Variants in ADAMTSL2 observed in about 807,000 individuals in gnomAD.
ADAMTSL2 encodes ADAMTS-like protein 2.
ADAMTSL2 carries 55 observed loss-of-function variants against 117.0 expected under a neutral mutation model. The ratio of observed to expected loss-of-function variants is 0.47; its 90% confidence interval spans 0.38 to 0.59. The LOEUF (loss-of-function observed/expected upper bound fraction) is 0.59, where lower values mean the gene tolerates loss of function less well. Among genes scored for constraint, ADAMTSL2 ranks in the 20% least tolerant of loss-of-function variants. ADAMTSL2 has a pLI of 0.00. For missense variants in ADAMTSL2, 1,182 were observed against 1,354.5 expected (o/e 0.87, Z 2.00); for synonymous variants, 572 against 566.4 (o/e 1.01, Z -0.14).
chr9:133,554,678 G>T lies in ADAMTSL2; in HGVS notation c.1261G>T (p.Gly421Cys). The change falls in exon 10 of 19, where the codon GGC becomes TGC. Residue 421 changes from glycine (G) to cysteine (C), a missense_variant. By Grantham distance (159) the Gly-to-Cys change is radical (BLOSUM62 -3). Transcript: ENST00000651351. This position sits in a 1 kb window ranked among gnomAD's most constrained non-coding sequence, Gnocchi z 5.2. ...CGGGGCCTGCGAGGGGCCCCCCAGG[G>T]GCAAGGGCTTCCGAGGTAACCAGGA... ...GGGACEGPPR[G>C]KGFRDRNVTG... is the part of the protein sequence containing the mutation. 1 of 1,506,140 alleles carries T rather than the reference G, an allele frequency of 6.6e-7. No homozygotes were observed. The highest frequency in any genetic ancestry group is 1.3e-5 in the South Asian group (1 of 78,658). The allele number at this position is 1,506,140 out of a possible 1,614,324, so 93.3% of individuals were successfully genotyped here.
At chr9:133,550,543 G>A (rs778642048) in intron 9 of ADAMTSL2, among the ~76,000 whole-genome samples, 40 of 152,124 alleles carry the variant, frequency 2.6e-4, no homozygotes, top group Non-Finnish European at 4.9e-4. Context: ...AGCTTCTGTG[G>A]GCAGGAAAGG....
intron 3 of ADAMTSL2, 146 bp from the exon 4 acceptor site, chr9:133,538,203 C>T (rs745884457): frequency 5.7e-5 from 50 of 876,278 alleles, no homozygotes; most frequent in Admixed American, 8.8e-5. Context: ...GGTGTGTGTA[C>T]GGGGTGGGAG....
chr9:133,553,490 C>G (rs964831215), intron 9 of ADAMTSL2, among the ~76,000 whole-genome samples: 9 of 152,182 alleles, frequency 5.9e-5, no homozygotes, highest in Non-Finnish European at 7.3e-5. Context: ...AACCCCTACC[C>G]CTGCCCCAGC....
At position 133,561,255 on chromosome 9, in the gene ADAMTSL2, G is replaced by A; in HGVS notation, c.1707G>A (p.Lys569=). 1 of 1,607,430 alleles carries A rather than the reference G, an allele frequency of 6.2e-7. No individual in the cohort carries two copies. Among genetic ancestry groups the A allele is most frequent in the Non-Finnish European group, 8.5e-7 (1 of 1,177,488 alleles). The part of the protein sequence containing the change: ...GVSPADMYRW[K]LSSHEPCSAT... ...GTCCCGCGGACATGTACCGGTGGAA[G>A]CTCTCGTCCCACGAGCCCTGCAGTG... The change falls in exon 12 of 19, where the codon AAG becomes AAA. Residue 569 remains lysine, a synonymous_variant. Coordinates refer to ENST00000651351, the MANE Select transcript of ADAMTSL2 (RefSeq NM_014694.4).
At chr9:133,574,035 G>T (rs1354289269) in intron 18 of ADAMTSL2, 48 bp downstream of exon 18, 3 of 1,580,188 alleles carry the variant, frequency 1.9e-6, no homozygotes, top group African/African-American at 1.3e-5. Context: ...CCCAGGGGAG[G>T]CGAGGACAGA....
intron 13 of ADAMTSL2, 146 bp from the exon 14 acceptor site, chr9:133,568,127 C>T: frequency 1.2e-6 from 1 of 851,142 alleles, no homozygotes; most frequent in Non-Finnish European, 1.8e-6. Context: ...GCCTCGACAC[C>T]CTCCTGTCTG....
intron 12 of ADAMTSL2, among the ~76,000 whole-genome samples, chr9:133,564,074 A>G (rs972974267): frequency 1.8e-3 from 19 of 10,274 alleles, no homozygotes; most frequent in Admixed American, 6.8e-3. Context: ...GACAGAGAGA[A>G]AGGGAGAGAG....
chr9:133,541,541 C>T (rs1382665795), intron 7 of ADAMTSL2, among the ~76,000 whole-genome samples: 2 of 152,158 alleles, frequency 1.3e-5, no homozygotes, highest in South Asian at 2.1e-4. Context: ...CACCCGCCTC[C>T]GTCTCCCAAA....
intron 7 of ADAMTSL2, among the ~76,000 whole-genome samples, chr9:133,542,926 AT>A (rs1378474476): frequency 3.3e-5 from 5 of 151,830 alleles, no homozygotes; most frequent in African/African-American, 9.7e-5. Flanking sequence ...CAAAGTCACC[AT>A]TTTCTAATCC....
At chr9:133,559,351 ATTTTT>A (rs369151881) in intron 11 of ADAMTSL2, among the ~76,000 whole-genome samples, 1 of 91,300 alleles carries the variant, frequency 1.1e-5, no homozygotes, top group Non-Finnish European at 2.2e-5. Flanking sequence ...ACCCACCCCC[ATTTTT>A]TTTTTTTTTT....
In ADAMTSL2 at chr9:133,558,282, T is replaced by G. The variant is rs1358471850; in HGVS notation, c.1649+2352T>G. 1.3e-5 allele frequency among the ~76,000 whole-genome samples: 2 copies of G among 151,842 alleles called. No homozygotes were observed. Among genetic ancestry groups the G allele is most frequent in the African/African-American group, 2.4e-5 (1 of 41,296 alleles). ...AGGGACCAAAGATGGTGTGGAGAGA[T>G]AAAGGGCAGAGGGAGGCGGCGGGGG... On this transcript the variant is annotated intron_variant, in intron 11 of 18. Coordinates refer to ENST00000651351, the MANE Select transcript of ADAMTSL2 (RefSeq NM_014694.4). This position sits in a 1 kb window ranked among gnomAD's most constrained non-coding sequence, Gnocchi z 4.3.
chr9:133,539,510 G>A (rs920215620), intron 4 of ADAMTSL2, among the ~76,000 whole-genome samples: 16 of 152,222 alleles, frequency 1.1e-4, no homozygotes, highest in South Asian at 2.1e-4. Context: ...AGGCGTGGTG[G>A]GGACTGGGAG....
chr9:133,553,767 G>A (rs2131136606), intron 9 of ADAMTSL2, among the ~76,000 whole-genome samples: 1 of 152,318 alleles, frequency 6.6e-6, no homozygotes, highest in East Asian at 1.9e-4. Context: ...CTGGAGAGAG[G>A]GGCAGCAGGG....
chr9:133,540,676 C>G lies in ADAMTSL2; in HGVS notation c.491C>G (p.Pro164Arg), dbSNP rs1003309488. Residue 164 changes from proline to arginine, a missense_variant, in exon 6 of 19, where the codon CCC becomes CGC. Around this residue, in one of 3 missense-constraint regions of ADAMTSL2, gnomAD observed 372 missense variants for 463.4 expected, o/e 0.80. Transcript: ENST00000651351. ...TVDGQRQLMVPARDGTSCKLT... is the reference protein window; with the variant it reads ...TVDGQRQLMVRARDGTSCKLT... Reference sequence around the variant, plus strand: ...GACGGCCAGCGGCAGCTCATGGTCCCCGCCCGCGACGGCACATCCTGCAAG... The same window carrying G: ...GACGGCCAGCGGCAGCTCATGGTCCGCGCCCGCGACGGCACATCCTGCAAG... The G allele has an allele frequency of 6.2e-7, 1 of 1,613,696 alleles. No homozygotes were observed. Among genetic ancestry groups the G allele is most frequent in the African/African-American group, 1.3e-5 (1 of 74,936 alleles).
chr9:133,534,727 AC>A lies in ADAMTSL2; in HGVS notation c.-336del. 3 of 1,381,204 alleles carry A rather than the reference AC, an allele frequency of 2.2e-6. No homozygotes were observed. Among genetic ancestry groups the A allele is most frequent in the Non-Finnish European group, 2.8e-6 (3 of 1,060,928 alleles). 85.6% of individuals were successfully genotyped at this position (1,381,204 alleles called of 1,614,324 possible). On this transcript the variant is annotated 5_prime_UTR_variant, in exon 1 of 19. Coordinates refer to ENST00000651351, the MANE Select transcript of ADAMTSL2 (RefSeq NM_014694.4). ...CCACTGGGCTGCGCCCCTCCCGGGA[AC>A]CCCCTCTCTTGGATGCTCTTTGAAG...
chr9:133,554,209 G>A lies in ADAMTSL2; in HGVS notation c.940-148G>A, dbSNP rs1830551573. On this transcript the variant is annotated intron_variant, in intron 9 of 18. Coordinates refer to ENST00000651351, the MANE Select transcript of ADAMTSL2 (RefSeq NM_014694.4). This position sits in a 1 kb window ranked among gnomAD's most constrained non-coding sequence, Gnocchi z 5.2. ...GCCCCTGGGGCAGGAGCACTGCGTT[G>A]GGCTGGGCTAGTCAGTGTCATTCCC... 1.4e-6 allele frequency: 1 copy of A among 733,826 alleles called. No individual in the cohort carries two copies. The highest frequency in any genetic ancestry group is 2.2e-6 in the Non-Finnish European group (1 of 456,896). 45.5% of individuals were successfully genotyped at this position (733,826 alleles called of 1,614,324 possible).
chr9:133,546,663 C>T (rs11507718), intron 8 of ADAMTSL2, among the ~76,000 whole-genome samples: 29,918 of 152,180 alleles, frequency 0.2, 3,190 homozygotes, highest in Middle Eastern at 0.29. Context: ...ACCCCTGCTG[C>T]CTCGTGTGTG....
At chr9:133,569,296 C>T (rs1831049476) in intron 15 of ADAMTSL2, 112 bp from the exon 16 acceptor site, 1 of 1,092,110 alleles carries the variant, frequency 9.2e-7, no homozygotes, top group Non-Finnish European at 1.4e-6. Context: ...ACCATGGCAA[C>T]CGCTTCGACA....
intron 8 of ADAMTSL2, among the ~76,000 whole-genome samples, chr9:133,544,762 C>T (rs1393678667): frequency 1.3e-5 from 2 of 152,144 alleles, no homozygotes; most frequent in African/African-American, 4.8e-5. Flanking sequence ...CTGTGCATGG[C>T]AGGACCTTGA....
Sources: allele counts gnomAD v4.1 joint callset (sites outside exome capture counted in the v4.1 genomes callset), GRCh38; gene constraint gnomAD v4.1.1; regional missense constraint gnomAD v4.1.1; non-coding constraint Gnocchi (gnomAD v3.1); transcripts MANE v1.5; gene names NCBI Gene and HGNC (gene_info 2026-07-23, HGNC 2026-07-21).